MAGI2: variants seen among roughly 807,000 people sequenced by gnomAD.
MAGI2 encodes membrane-associated guanylate kinase, WW and PDZ domain-containing protein 2.
A neutral mutation model predicts 133.3 loss-of-function variants in MAGI2; 35 were observed. The observed-to-expected ratio is 0.26, with a 90% CI of 0.20 to 0.35. The LOEUF (loss-of-function observed/expected upper bound fraction) is 0.35, where lower values mean the gene tolerates loss of function less well. Ranked by LOEUF, MAGI2 falls within the 10% of genes least tolerant of loss-of-function variation. The pLI, the probability that MAGI2 is intolerant of heterozygous loss-of-function variation, is 1.00. For missense variants in MAGI2, 1,636 were observed against 1,863.4 expected (o/e 0.88, Z 2.25); for synonymous variants, 729 against 710.6 (o/e 1.03, Z -0.41).
In MAGI2 at chr7:78,065,524, A is replaced by G. The variant is rs1236155591; in HGVS notation, c.3706+13423T>C. On this transcript the variant is annotated intron_variant, in intron 21 of 21. Coordinates refer to ENST00000354212, the MANE Select transcript of MAGI2 (RefSeq NM_012301.4). ...TTATACATCAGTTAAAAACATATGC[A>G]AAACCAAGGCTCATTAGAGAAAGAT... is the stretch of plus-strand genomic sequence containing the variant. The G allele has an allele frequency of 6.3e-6, 4 of 639,732 alleles. No homozygotes were observed. In the Admixed American group the frequency reaches 1.1e-4, roughly 18 times the overall value. The allele number at this position is 639,732 out of a possible 1,614,324, so 39.6% of individuals were successfully genotyped here.
intron 20 of MAGI2, among the ~76,000 whole-genome samples, chr7:78,121,000 C>CAAA (rs67572219): frequency 0.3 from 22,322 of 74,900 alleles, 4,013 homozygotes; most frequent in African/African-American, 0.35. Context: ...GACTCCGTCT[C>CAAA]AAAAAAAAAA....
At chr7:78,453,100 T>G (rs1788904347) in intron 6 of MAGI2, among the ~76,000 whole-genome samples, 1 of 152,162 alleles carries the variant, frequency 6.6e-6, no homozygotes, top group Admixed American at 6.6e-5. Flanking sequence ...TTTTTAGTTT[T>G]CAATGGGTAA....
At chr7:79,276,187 T>C (rs1746592631) in intron 1 of MAGI2, among the ~76,000 whole-genome samples, 1 of 152,160 alleles carries the variant, frequency 6.6e-6, no homozygotes, top group South Asian at 2.1e-4. Flanking sequence ...GGATTCACCA[T>C]TAAGAACATT....
chr7:78,737,114 T>C (rs1024958383), intron 2 of MAGI2, among the ~76,000 whole-genome samples: 1 of 152,208 alleles, frequency 6.6e-6, no homozygotes, highest in Admixed American at 6.5e-5. Context: ...CAATTGACAG[T>C]GATTGTTACC....
At chr7:78,808,886 A>G (rs1233214763) in intron 2 of MAGI2, among the ~76,000 whole-genome samples, 2 of 152,314 alleles carry the variant, frequency 1.3e-5, no homozygotes, top group East Asian at 1.9e-4. Context: ...ACATGACCCT[A>G]ACTTTTAATT....
chr7:79,352,325 T>C (rs1338126202), intron 1 of MAGI2, among the ~76,000 whole-genome samples: 1 of 152,140 alleles, frequency 6.6e-6, no homozygotes, highest in Non-Finnish European at 1.5e-5. Context: ...ATTTTGGAAA[T>C]GGTGGTCAAC....
chr7:79,295,560 A>C (rs1417237173), intron 1 of MAGI2, among the ~76,000 whole-genome samples: 1 of 151,938 alleles, frequency 6.6e-6, no homozygotes, highest in Non-Finnish European at 1.5e-5. Flanking sequence ...TCAAGGGAAA[A>C]TGGTTAATAT....
intron 9 of MAGI2, among the ~76,000 whole-genome samples, chr7:78,265,016 G>C (rs1414494519): frequency 6.6e-6 from 1 of 151,982 alleles, no homozygotes; most frequent in Non-Finnish European, 1.5e-5. Context: ...AGAATGAAAG[G>C]CTTCTTAATC....
intron 1 of MAGI2, among the ~76,000 whole-genome samples, chr7:79,284,756 G>A (rs1472109095): frequency 1.3e-5 from 2 of 152,138 alleles, no homozygotes; most frequent in Non-Finnish European, 2.9e-5. Flanking sequence ...AGAATCATTT[G>A]CATACATACA....
chr7:78,488,397 G>T (rs1490090835), intron 6 of MAGI2, among the ~76,000 whole-genome samples: 1 of 152,044 alleles, frequency 6.6e-6, no homozygotes, highest in Non-Finnish European at 1.5e-5. Context: ...GTGCAAGACA[G>T]CTGAGAAGTT....
At chr7:78,272,849 G>A (rs955443559) in intron 9 of MAGI2, among the ~76,000 whole-genome samples, 8 of 152,060 alleles carry the variant, frequency 5.3e-5, no homozygotes, top group African/African-American at 1.9e-4. Context: ...CACGTGAGAT[G>A]GGTCTACTGA....
intron 6 of MAGI2, among the ~76,000 whole-genome samples, chr7:78,397,585 T>C (rs577702277): frequency 6.6e-6 from 1 of 152,232 alleles, no homozygotes; most frequent in East Asian, 1.9e-4. Context: ...AGGCAGGAAC[T>C]TAGAGCTAAG....
intron 1 of MAGI2, among the ~76,000 whole-genome samples, chr7:79,442,406 G>A (rs976011910): frequency 6.6e-6 from 1 of 151,656 alleles, no homozygotes; most frequent in East Asian, 1.9e-4. Flanking sequence ...GTGCCTTTCC[G>A]AGACTATTTA....
intron 2 of MAGI2, among the ~76,000 whole-genome samples, chr7:78,814,574 T>C (rs1482425607): frequency 6.6e-6 from 1 of 152,234 alleles, no homozygotes; most frequent in Non-Finnish European, 1.5e-5. Flanking sequence ...AATATTATTC[T>C]TATTTTTTGA....
At chr7:78,235,847 T>A (rs1790477859) in intron 10 of MAGI2, among the ~76,000 whole-genome samples, 1 of 152,048 alleles carries the variant, frequency 6.6e-6, no homozygotes, top group African/African-American at 2.4e-5. Context: ...ACCCTGGGGT[T>A]TTTTTTACAT....
chr7:78,256,654 A>G (rs1396927142), intron 9 of MAGI2, 73 bp from the exon 10 acceptor site: 24 of 1,261,198 alleles, frequency 1.9e-5, no homozygotes, highest in Non-Finnish European at 2.6e-5. Flanking sequence ...GGAATTATTT[A>G]CGAGACTAGT....
chr7:78,876,630 A>G (rs941728884), intron 2 of MAGI2, among the ~76,000 whole-genome samples: 11 of 152,188 alleles, frequency 7.2e-5, no homozygotes, highest in Non-Finnish European at 1.3e-4. Flanking sequence ...CAGCAAAAGA[A>G]AAATGACACA....
chr7:78,349,818 A>C (rs1332207974), intron 7 of MAGI2, among the ~76,000 whole-genome samples: 1 of 152,210 alleles, frequency 6.6e-6, no homozygotes, highest in Non-Finnish European at 1.5e-5. Context: ...TGTCTTCCTT[A>C]TGCTTCCAAA....
At chr7:78,708,229 G>A (rs1563386483) in intron 2 of MAGI2, among the ~76,000 whole-genome samples, 1 of 152,082 alleles carries the variant, frequency 6.6e-6, no homozygotes, top group African/African-American at 2.4e-5. Flanking sequence ...TCATATTCAT[G>A]CAGCTTCCTT....
Sources: allele counts gnomAD v4.1 joint callset (sites outside exome capture counted in the v4.1 genomes callset), GRCh38; gene constraint gnomAD v4.1.1; transcripts MANE v1.5; gene names NCBI Gene and HGNC (gene_info 2026-07-23, HGNC 2026-07-21).